CADPS2: variants seen among roughly 807,000 people sequenced by gnomAD.
The protein encoded by CADPS2 is calcium-dependent secretion activator 2.
In CADPS2, 93 loss-of-function variants were observed where a neutral mutation model predicts 172.5. That is an observed-to-expected ratio of 0.54 (90% confidence interval 0.46 to 0.64). The LOEUF (loss-of-function observed/expected upper bound fraction) is 0.64, where lower values mean the gene tolerates loss of function less well. Among genes scored for constraint, CADPS2 ranks in the 30% least tolerant of loss-of-function variants. The pLI, the probability that CADPS2 is intolerant of heterozygous loss-of-function variation, is 0.00. For missense variants in CADPS2, 1,420 were observed against 1,565.9 expected, an observed-to-expected ratio of 0.91 and a Z score of 1.57; for synonymous variants, 546 against 555.2, an observed-to-expected ratio of 0.98 and a Z score of 0.23.
intron 3 of CADPS2, among the ~76,000 whole-genome samples, chr7:122,645,769 G>T (rs2430050): frequency 0.51 from 73,199 of 142,194 alleles, 19,125 homozygotes; most frequent in East Asian, 0.72. Context: ...GAATATCACT[G>T]CCCCCTGCTA....
At chr7:122,519,193 A>T (rs1258392986) in intron 8 of CADPS2, among the ~76,000 whole-genome samples, 1 of 152,122 alleles carries the variant, frequency 6.6e-6, no homozygotes, top group Non-Finnish European at 1.5e-5. Flanking sequence ...TCACAAGCAC[A>T]TATTTCCAAA....
chr7:122,360,156 G>T (rs929147159), intron 27 of CADPS2, among the ~76,000 whole-genome samples: 20 of 152,050 alleles, frequency 1.3e-4, no homozygotes, highest in Non-Finnish European at 1.5e-4. Flanking sequence ...GGTGATAATA[G>T]AATTTAAATC....
intron 1 of CADPS2, among the ~76,000 whole-genome samples, chr7:122,796,374 G>A (rs1796374590): frequency 6.6e-6 from 1 of 152,122 alleles, no homozygotes; most frequent in South Asian, 2.1e-4. Flanking sequence ...AATTCATATG[G>A]AACTAAAATT....
intron 1 of CADPS2, among the ~76,000 whole-genome samples, chr7:122,776,264 A>T (rs1453085714): frequency 1.3e-5 from 2 of 152,132 alleles, no homozygotes; most frequent in African/African-American, 4.8e-5. Context: ...TAAAGGGCAG[A>T]TCCCCTACAC....
At chr7:122,439,131 C>A (rs556895360) in intron 16 of CADPS2, among the ~76,000 whole-genome samples, 8 of 152,004 alleles carry the variant, frequency 5.3e-5, no homozygotes, top group Non-Finnish European at 1.0e-4. Flanking sequence ...CTGTTGGGCT[C>A]CTAAAATGTG....
intron 2 of CADPS2, among the ~76,000 whole-genome samples, chr7:122,712,470 C>T (rs1414273942): frequency 6.6e-6 from 1 of 152,118 alleles, no homozygotes; most frequent in African/African-American, 2.4e-5. Flanking sequence ...ATAGTAAGTG[C>T]ACACAATTTT....
chr7:122,442,013 C>G (rs935890443), intron 15 of CADPS2, among the ~76,000 whole-genome samples: 28 of 152,310 alleles, frequency 1.8e-4, no homozygotes, highest in South Asian at 6.2e-4. Context: ...CCAGCTCTTT[C>G]CTTTGCTGAC....
intron 7 of CADPS2, among the ~76,000 whole-genome samples, chr7:122,561,472 T>A (rs1388833539): frequency 1.3e-5 from 2 of 152,124 alleles, no homozygotes; most frequent in Non-Finnish European, 2.9e-5. Context: ...GTTATTTGCA[T>A]GATGGGAGGA....
At chr7:122,489,976 G>T (rs748627029) in intron 11 of CADPS2, 105 bp downstream of exon 11, 106 of 903,050 alleles carry the variant, frequency 1.2e-4, no homozygotes, top group Admixed American at 4.9e-4. Flanking sequence ...ATTTAATTAG[G>T]AATCAATTAA....
chr7:122,428,805 G>A (rs968871528), intron 17 of CADPS2, among the ~76,000 whole-genome samples: 2 of 152,004 alleles, frequency 1.3e-5, no homozygotes, highest in Non-Finnish European at 2.9e-5. Flanking sequence ...TGACAAAATG[G>A]GAAGTTTGCC....
chr7:122,723,074 A>T (rs944854032), intron 2 of CADPS2, among the ~76,000 whole-genome samples: 2 of 152,160 alleles, frequency 1.3e-5, no homozygotes, highest in Non-Finnish European at 2.9e-5. Flanking sequence ...AACCATAAAA[A>T]CCCTAGAAGA....
At chr7:122,654,504 C>A (rs1356964981) in intron 3 of CADPS2, among the ~76,000 whole-genome samples, 2 of 152,188 alleles carry the variant, frequency 1.3e-5, no homozygotes, top group African/African-American at 4.8e-5. Context: ...AAGAATCATG[C>A]TAAATCTACT....
intron 3 of CADPS2, among the ~76,000 whole-genome samples, chr7:122,657,289 C>A (rs2079922496): frequency 6.6e-6 from 1 of 152,110 alleles, no homozygotes; most frequent in African/African-American, 2.4e-5. Context: ...CTTGGCAATG[C>A]AGGCTCTTTT....
At chr7:122,809,508 A>C (rs1163231703) in intron 1 of CADPS2, among the ~76,000 whole-genome samples, 1 of 151,634 alleles carries the variant, frequency 6.6e-6, no homozygotes, top group African/African-American at 2.4e-5. Flanking sequence ...TGAACCCGGG[A>C]AGCAGACGTT....
At chr7:122,425,184 T>C (rs965588385) in intron 17 of CADPS2, among the ~76,000 whole-genome samples, 3 of 151,940 alleles carry the variant, frequency 2.0e-5, no homozygotes, top group Admixed American at 2.0e-4. Context: ...TCTCACTATG[T>C]TGCTCAGGCT....
chr7:122,419,629 G>C (rs2048322975), intron 17 of CADPS2, among the ~76,000 whole-genome samples: 1 of 152,120 alleles, frequency 6.6e-6, no homozygotes, highest in South Asian at 2.1e-4. Context: ...AAACCAAACA[G>C]ATGCTAAGAA....
At chr7:122,820,402 G>C (rs1025263382) in intron 1 of CADPS2, among the ~76,000 whole-genome samples, 2 of 151,818 alleles carry the variant, frequency 1.3e-5, no homozygotes, top group African/African-American at 4.8e-5. Flanking sequence ...AATTGCATCC[G>C]ACTGATCTCT....
chr7:122,387,290 G>T, intron 23 of CADPS2, 117 bp from the exon 24 acceptor site: 1 of 962,722 alleles, frequency 1.0e-6, no homozygotes, highest in East Asian at 2.7e-5. Flanking sequence ...TAAGGAGTAA[G>T]CAGTGTGGCA....
intron 8 of CADPS2, among the ~76,000 whole-genome samples, chr7:122,524,811 T>A: frequency 6.6e-6 from 1 of 152,332 alleles, no homozygotes; most frequent in East Asian, 1.9e-4. Context: ...ATAATTAAAA[T>A]ACCATCTTCA....
Sources: allele counts gnomAD v4.1 joint callset (sites outside exome capture counted in the v4.1 genomes callset), GRCh38; gene constraint gnomAD v4.1.1; transcripts MANE v1.5; gene names NCBI Gene and HGNC (gene_info 2026-07-23, HGNC 2026-07-21).